UMAD1: variants seen among roughly 807,000 people sequenced by gnomAD.
UMAD1 encodes UBAP1-MVB12-associated (UMA) domain containing 1.
Under a neutral mutation model 6.1 loss-of-function variants are expected in UMAD1, and 8 were observed. The observed-to-expected ratio is 1.30, with a 90% CI of 0.76 to 2.35. UMAD1 has a LOEUF of 2.35. Among genes scored for constraint, UMAD1 ranks in the 30% most tolerant of loss-of-function variants. The pLI is 0.00. For synonymous variants in UMAD1, 56 were observed against 31.4 expected, an observed-to-expected ratio of 1.78 and a Z score of -2.61; for missense variants, 130 against 78.4, an observed-to-expected ratio of 1.66 and a Z score of -2.49.
intron 2 of UMAD1, among the ~76,000 whole-genome samples, chr7:7,795,160 C>G (rs541695834): frequency 1.2e-4 from 19 of 152,262 alleles, no homozygotes; most frequent in African/African-American, 4.6e-4. Flanking sequence ...ATATATAAAA[C>G]CAAACTGTAA....
intron 2 of UMAD1, among the ~76,000 whole-genome samples, chr7:7,779,885 C>T (rs1782309269): frequency 6.6e-6 from 1 of 152,194 alleles, no homozygotes; most frequent in South Asian, 2.1e-4. Flanking sequence ...CTCAAGCGAT[C>T]CGCCAGCCTC....
chr7:7,787,605 C>G (rs540077289), intron 2 of UMAD1, among the ~76,000 whole-genome samples: 5 of 152,120 alleles, frequency 3.3e-5, no homozygotes, highest in Non-Finnish European at 7.4e-5. Context: ...CTATGCAGAA[C>G]CCAGTAAAAT....
intron 3 of UMAD1, among the ~76,000 whole-genome samples, chr7:7,828,624 A>G (rs1168584118): frequency 6.6e-6 from 1 of 152,144 alleles, no homozygotes; most frequent in Non-Finnish European, 1.5e-5. Context: ...GCTGCCTGTA[A>G]AGGCTTTGAT....
At chr7:7,848,098 A>C (rs1013091951) in intron 3 of UMAD1, among the ~76,000 whole-genome samples, 1 of 152,232 alleles carries the variant, frequency 6.6e-6, no homozygotes, top group Non-Finnish European at 1.5e-5. Flanking sequence ...TACCTGGCAT[A>C]GTATTTTGAA....
At chr7:7,697,536 CA>C (rs1429542881) in intron 2 of UMAD1, among the ~76,000 whole-genome samples, 1 of 152,108 alleles carries the variant, frequency 6.6e-6, no homozygotes, top group Non-Finnish European at 1.5e-5. Flanking sequence ...CAGTCCTGCT[CA>C]AAATTTTCCA....
chr7:7,763,381 C>G (rs1781927700), intron 2 of UMAD1, among the ~76,000 whole-genome samples: 1 of 152,044 alleles, frequency 6.6e-6, no homozygotes, highest in Admixed American at 6.6e-5. Context: ...GACCCTAGTA[C>G]TCAATAAGTG....
chr7:7,641,074 C>T (rs1347128751), intron 1 of UMAD1: 4 of 152,654 alleles, frequency 2.6e-5, no homozygotes, highest in African/African-American at 7.2e-5. Flanking sequence ...GCAGCGGGGT[C>T]ATCAGTGATC....
At chr7:7,698,915 T>A (rs1780382796) in intron 2 of UMAD1, among the ~76,000 whole-genome samples, 1 of 149,678 alleles carries the variant, frequency 6.7e-6, no homozygotes, top group South Asian at 2.1e-4. Flanking sequence ...GTTGCCCAGG[T>A]CTGATAACAG....
intron 2 of UMAD1, among the ~76,000 whole-genome samples, chr7:7,704,507 G>T (rs1256265710): frequency 2.7e-5 from 4 of 150,294 alleles, no homozygotes; most frequent in Non-Finnish European, 5.9e-5. Flanking sequence ...TGTAATCCCA[G>T]CACTTTGGGA....
At chr7:7,707,394 G>C (rs1780632883) in intron 2 of UMAD1, among the ~76,000 whole-genome samples, 1 of 152,152 alleles carries the variant, frequency 6.6e-6, no homozygotes, top group South Asian at 2.1e-4. Flanking sequence ...GAAGCCAGAA[G>C]CCTTGTGTTC....
intron 3 of UMAD1, among the ~76,000 whole-genome samples, chr7:7,834,651 A>G (rs975664227): frequency 6.6e-6 from 1 of 152,084 alleles, no homozygotes; most frequent in African/African-American, 2.4e-5. Flanking sequence ...TCTTCTTCCT[A>G]TAAAGCCACA....
intron 2 of UMAD1, among the ~76,000 whole-genome samples, chr7:7,768,665 T>A (rs1258587076): frequency 2.0e-5 from 3 of 152,086 alleles, no homozygotes; most frequent in African/African-American, 7.2e-5. Context: ...ACAAGTGTTA[T>A]TTTTTTTCCT....
chr7:7,783,674 G>A (rs142703716), intron 2 of UMAD1, among the ~76,000 whole-genome samples: 74 of 152,280 alleles, frequency 4.9e-4, no homozygotes, highest in East Asian at 1.7e-3. Context: ...TTAGAGAGGC[G>A]TAAAACTGGT....
intron 2 of UMAD1, among the ~76,000 whole-genome samples, chr7:7,710,906 A>G (rs760110006): frequency 5.3e-5 from 8 of 152,228 alleles, no homozygotes; most frequent in Non-Finnish European, 1.0e-4. Flanking sequence ...GAATCTCCAG[A>G]GAATTATGCT....
chr7:7,777,571 GC>G (rs1563197809), intron 2 of UMAD1, among the ~76,000 whole-genome samples: 1 of 73,270 alleles, frequency 1.4e-5, no homozygotes, highest in Non-Finnish European at 2.6e-5. Context: ...TCATACATGA[GC>G]AAATATATAT....
At chr7:7,660,441 T>C (rs1226095685) in intron 1 of UMAD1, among the ~76,000 whole-genome samples, 2 of 152,174 alleles carry the variant, frequency 1.3e-5, no homozygotes, top group Non-Finnish European at 2.9e-5. Flanking sequence ...GGCTGGTACC[T>C]GTTGTTCCTT....
intron 2 of UMAD1, among the ~76,000 whole-genome samples, chr7:7,700,551 C>T (rs1301380453): frequency 6.6e-6 from 1 of 151,776 alleles, no homozygotes; most frequent in Admixed American, 6.6e-5. Context: ...ATAGTGAGAC[C>T]CCCATCTCTA....
chr7:7,828,373 G>C (rs1487374444), intron 3 of UMAD1, among the ~76,000 whole-genome samples: 1 of 152,180 alleles, frequency 6.6e-6, no homozygotes, highest in Non-Finnish European at 1.5e-5. Flanking sequence ...AAAGGTGAAA[G>C]TTTGACATAC....
At chr7:7,740,487 C>A (rs928820794) in intron 2 of UMAD1, among the ~76,000 whole-genome samples, 1 of 152,208 alleles carries the variant, frequency 6.6e-6, no homozygotes, top group Non-Finnish European at 1.5e-5. Flanking sequence ...TCTATCAACT[C>A]TTAAAACATT....
Sources: gnomAD v4.1 joint callset for allele counts (sites outside exome capture counted in the v4.1 genomes callset) on GRCh38, gnomAD v4.1.1 for gene constraint, MANE v1.5 for transcripts, NCBI Gene and HGNC (gene_info 2026-07-23, HGNC 2026-07-21) for gene names.